DCDC2: variants seen among roughly 807,000 people sequenced by gnomAD.
DCDC2 encodes doublecortin domain-containing protein 2.
A neutral mutation model predicts 50.2 loss-of-function variants in DCDC2; 40 were observed. The ratio of observed to expected loss-of-function variants is 0.80; its 90% CI spans 0.62 to 1.04. The LOEUF (loss-of-function observed/expected upper bound fraction) is 1.04. Among genes scored for constraint, DCDC2 ranks in the 50% least tolerant of loss-of-function variants. The pLI, the probability that DCDC2 is intolerant of heterozygous loss-of-function variation, is 0.00. For synonymous variants in DCDC2, 234 were observed against 210.6 expected (o/e 1.11, Z -0.96); for missense variants, 570 against 581.9 (o/e 0.98, Z 0.21).
At chr6:24,350,623 T>C (rs995648376) in intron 2 of DCDC2, among the ~76,000 whole-genome samples, 10 of 152,158 alleles carry the variant, frequency 6.6e-5, no homozygotes, top group African/African-American at 2.4e-4. Flanking sequence ...TCCCTCATAA[T>C]GACACATTTT....
chr6:24,291,787 G>T (rs931548561), intron 4 of DCDC2, among the ~76,000 whole-genome samples: 1 of 152,132 alleles, frequency 6.6e-6, no homozygotes. Flanking sequence ...GCCCGGCCTT[G>T]TTAATACTTT....
chr6:24,283,867 A>G (rs1160128645), intron 6 of DCDC2, among the ~76,000 whole-genome samples: 1 of 152,196 alleles, frequency 6.6e-6, no homozygotes, highest in Non-Finnish European at 1.5e-5. Flanking sequence ...GGCACTGGGC[A>G]CTGTGCCAGG....
At chr6:24,208,276 A>G (rs1340693035) in intron 7 of DCDC2, among the ~76,000 whole-genome samples, 1 of 151,366 alleles carries the variant, frequency 6.6e-6, no homozygotes, top group Non-Finnish European at 1.5e-5. Context: ...AATCTTACTC[A>G]GCTGTCAATG....
intron 1 of DCDC2, chr6:24,357,251 T>C: frequency 1.1e-5 from 6 of 529,430 alleles, no homozygotes; most frequent in Non-Finnish European, 1.6e-5. Flanking sequence ...TTACTCCTAC[T>C]GCTGACCCAA....
chr6:24,313,602 G>C (rs551747819), intron 2 of DCDC2, among the ~76,000 whole-genome samples: 24 of 152,338 alleles, frequency 1.6e-4, no homozygotes, highest in Admixed American at 2.6e-4. Context: ...AGATAAAAGT[G>C]AGCAATGCTG....
At chr6:24,184,955 C>A (rs1761157526) in intron 8 of DCDC2, among the ~76,000 whole-genome samples, 1 of 152,094 alleles carries the variant, frequency 6.6e-6, no homozygotes, top group African/African-American at 2.4e-5. Context: ...GGATATGGTC[C>A]TCGCCTCTCT....
intron 7 of DCDC2, among the ~76,000 whole-genome samples, chr6:24,213,249 A>G (rs1761909538): frequency 1.3e-5 from 2 of 152,166 alleles, no homozygotes; most frequent in South Asian, 2.1e-4. Flanking sequence ...CCAGTTCTAA[A>G]TACTTTATAA....
At chr6:24,198,116 C>T (rs1285436374) in intron 8 of DCDC2, among the ~76,000 whole-genome samples, 1 of 152,194 alleles carries the variant, frequency 6.6e-6, no homozygotes. Context: ...TACATTTATA[C>T]AGGCAATTCC....
At chr6:24,347,865 C>T (rs955305073) in intron 2 of DCDC2, among the ~76,000 whole-genome samples, 14 of 152,274 alleles carry the variant, frequency 9.2e-5, no homozygotes, top group East Asian at 1.9e-4. Context: ...TTACTTGAGA[C>T]GTCCTATCCA....
intron 7 of DCDC2, among the ~76,000 whole-genome samples, chr6:24,216,802 G>C (rs16888905): frequency 0.068 from 10,318 of 152,274 alleles, 620 homozygotes; most frequent in East Asian, 0.36. Context: ...TAAACCGATA[G>C]AGATCATCTT....
At chr6:24,233,347 T>C (rs1762376663) in intron 7 of DCDC2, among the ~76,000 whole-genome samples, 1 of 152,226 alleles carries the variant, frequency 6.6e-6, no homozygotes, top group African/African-American at 2.4e-5. Context: ...ACTTTTTATT[T>C]GCTTAAATCA....
chr6:24,216,325 CA>C (rs760127396), intron 7 of DCDC2, among the ~76,000 whole-genome samples: 7 of 149,298 alleles, frequency 4.7e-5, no homozygotes, highest in Non-Finnish European at 8.9e-5. Flanking sequence ...TAAAAGGTAA[CA>C]GGAAAAAAAA....
the DCDC2 span, among the ~76,000 whole-genome samples, chr6:24,364,440 G>A: frequency 2.6e-5 from 4 of 151,956 alleles, no homozygotes; most frequent in South Asian, 2.1e-4. Flanking sequence ...GCCTGGCTAC[G>A]TAATTACAAA....
Position 24,232,833 on chromosome 6 carries a change from G to GA in DCDC2, c.923-27732dup, listed in dbSNP as rs755834984. On this transcript the variant is annotated intron_variant, in intron 7 of 9. Transcript: ENST00000378454. ...GAATTAATGAATGAATGGGGTTCTTGAAAAAAAAAAAATACTTGTTTCATG... is the reference window on the plus strand; with the variant it reads ...GAATTAATGAATGAATGGGGTTCTTGAAAAAAAAAAAAATACTTGTTTCATG... Among the ~76,000 whole-genome samples, 704 of 143,094 alleles carry GA rather than the reference G, an allele frequency of 4.9e-3. 3 individuals are homozygous for GA. The highest frequency in any genetic ancestry group is 0.016 in the East Asian group (77 of 4,908). 93.9% of individuals were successfully genotyped at this position (143,094 alleles called of 152,430 possible).
intron 7 of DCDC2, among the ~76,000 whole-genome samples, chr6:24,242,760 G>A (rs141721180): frequency 3.7e-4 from 57 of 152,244 alleles, no homozygotes; most frequent in Non-Finnish European, 4.7e-4. Context: ...CCAGGAGTTC[G>A]AGAACAGCCT....
At chr6:24,297,201 C>A (rs535058100) in intron 4 of DCDC2, among the ~76,000 whole-genome samples, 1 of 152,286 alleles carries the variant, frequency 6.6e-6, no homozygotes, top group South Asian at 2.1e-4. Flanking sequence ...CCTTTACAAA[C>A]TAACACAGGA....
intron 2 of DCDC2, among the ~76,000 whole-genome samples, chr6:24,315,172 C>CTTT (rs112135227): frequency 2.1e-5 from 3 of 143,804 alleles, no homozygotes; most frequent in South Asian, 2.2e-4. Context: ...TTGATCTTTG[C>CTTT]TTTTTTTTTT....
chr6:24,350,680 A>ACT (rs1326065090), intron 2 of DCDC2, among the ~76,000 whole-genome samples: 2 of 151,838 alleles, frequency 1.3e-5, no homozygotes, highest in Non-Finnish European at 2.9e-5. Context: ...CCTTGAAACA[A>ACT]CTCTTAACCC....
At chr6:24,360,603 C>G (rs551626942), upstream of DCDC2, among the ~76,000 whole-genome samples, 1 of 152,270 alleles carries the variant, frequency 6.6e-6, no homozygotes, top group South Asian at 2.1e-4. Context: ...CCAGTCCAGT[C>G]TGGGACATAC....
Sources: gnomAD v4.1 joint callset for allele counts (sites outside exome capture counted in the v4.1 genomes callset) on GRCh38, gnomAD v4.1.1 for gene constraint, MANE v1.5 for transcripts, NCBI Gene and HGNC (gene_info 2026-07-23, HGNC 2026-07-21) for gene names.